The following PKP4 variants were observed in gnomAD, a reference collection of about 807,000 sequenced individuals.
PKP4 encodes the protein plakophilin 4.
PKP4 carries 90 observed loss-of-function variants against 145.1 expected under a neutral mutation model. The ratio of observed to expected loss-of-function variants is 0.62; its 90% CI spans 0.52 to 0.74. PKP4 has a LOEUF of 0.74. PKP4 is among the 30% of genes least tolerant of loss of function. The pLI is 0.00. For missense variants in PKP4, 1,340 were observed against 1,482.7 expected, an observed-to-expected ratio of 0.90 and a Z score of 1.58; for synonymous variants, 563 against 577.2, an observed-to-expected ratio of 0.98 and a Z score of 0.35.
At chr2:158,589,816 G>A (rs1362924649) in intron 3 of PKP4, among the ~76,000 whole-genome samples, 1 of 152,152 alleles carries the variant, frequency 6.6e-6, no homozygotes, top group Non-Finnish European at 1.5e-5. Context: ...AGCAATATGT[G>A]TGATGTTTCC....
intron 2 of PKP4, among the ~76,000 whole-genome samples, chr2:158,540,003 T>C (rs1386425707): frequency 2.6e-5 from 4 of 152,174 alleles, no homozygotes; most frequent in African/African-American, 9.7e-5. Flanking sequence ...ATTTGAGTAC[T>C]GCCCACTCCT....
intron 4 of PKP4, among the ~76,000 whole-genome samples, chr2:158,617,363 G>A (rs973826509): frequency 2.0e-5 from 3 of 152,024 alleles, no homozygotes; most frequent in Middle Eastern, 3.4e-3. Flanking sequence ...TCAGTACACT[G>A]ATTAAAGAAG....
chr2:158,665,404 T>G (rs2056990950), intron 15 of PKP4, among the ~76,000 whole-genome samples: 1 of 152,360 alleles, frequency 6.6e-6, no homozygotes, highest in South Asian at 2.1e-4. Flanking sequence ...GAAATGCATC[T>G]TTCCCTCTTA....
chr2:158,572,806 C>T (rs1171609420), intron 2 of PKP4, among the ~76,000 whole-genome samples: 1 of 152,206 alleles, frequency 6.6e-6, no homozygotes, highest in Admixed American at 6.5e-5. Flanking sequence ...CATTCTATGC[C>T]TATGAGACAA....
At chr2:158,621,464 G>A (rs745949017) in intron 6 of PKP4, 43 bp downstream of exon 6, 60 of 1,549,620 alleles carry the variant, frequency 3.9e-5, no homozygotes, top group South Asian at 1.6e-4. Flanking sequence ...AATACCTTCC[G>A]GCCGGGCACA....
At chr2:158,677,083 G>A in intron 20 of PKP4, 1 of 580,050 alleles carries the variant, frequency 1.7e-6, no homozygotes, top group Non-Finnish European at 3.2e-6. Context: ...ATGTATGTAT[G>A]TAGTTGTACG....
At chr2:158,667,731 T>C (rs1288110550) in intron 16 of PKP4, among the ~76,000 whole-genome samples, 1 of 152,020 alleles carries the variant, frequency 6.6e-6, no homozygotes, top group Non-Finnish European at 1.5e-5. Flanking sequence ...AGCCAAATCA[T>C]CCCCCTACGG....
At chr2:158,466,211 T>C (rs948458119) in intron 1 of PKP4, among the ~76,000 whole-genome samples, 3 of 152,180 alleles carry the variant, frequency 2.0e-5, no homozygotes, top group African/African-American at 7.2e-5. Flanking sequence ...TTTGAACACC[T>C]TCACCTGCTA....
chr2:158,458,276 A>T (rs1689181148), intron 1 of PKP4: 1 of 152,886 alleles, frequency 6.5e-6, no homozygotes, highest in African/African-American at 2.4e-5. Context: ...CTCGCCGCGC[A>T]GCCAGAGGTC....
intron 4 of PKP4, among the ~76,000 whole-genome samples, chr2:158,615,610 G>C (rs1379176563): frequency 6.6e-6 from 1 of 151,862 alleles, no homozygotes; most frequent in Non-Finnish European, 1.5e-5. Context: ...TATTTTTAAT[G>C]GTTTTATATT....
chr2:158,563,800 A>G (rs1214756668), intron 2 of PKP4, among the ~76,000 whole-genome samples: 2 of 152,090 alleles, frequency 1.3e-5, no homozygotes, highest in Non-Finnish European at 1.5e-5. Context: ...AGCATCACCA[A>G]TGCTGTGTAC....
chr2:158,459,188 A>G (rs912530962), intron 1 of PKP4, among the ~76,000 whole-genome samples: 3 of 152,222 alleles, frequency 2.0e-5, no homozygotes, highest in Non-Finnish European at 4.4e-5. Flanking sequence ...GTGCCTGTGA[A>G]ACAGTTATGG....
chr2:158,515,658 T>C (rs952381412), intron 1 of PKP4, among the ~76,000 whole-genome samples: 1 of 152,236 alleles, frequency 6.6e-6, no homozygotes, highest in African/African-American at 2.4e-5. Flanking sequence ...ACAATGTCTC[T>C]TTCCATCTAC....
intron 1 of PKP4, among the ~76,000 whole-genome samples, chr2:158,464,071 A>G (rs1297872370): frequency 6.6e-6 from 1 of 152,204 alleles, no homozygotes; most frequent in Non-Finnish European, 1.5e-5. Context: ...GATTGAGACT[A>G]CATTTTTCAG....
At chr2:158,500,107 G>C (rs1696327548) in intron 1 of PKP4, among the ~76,000 whole-genome samples, 1 of 152,178 alleles carries the variant, frequency 6.6e-6, no homozygotes, top group Non-Finnish European at 1.5e-5. Context: ...TTACATTCAT[G>C]AATAATCAAG....
At chr2:158,625,694 C>CT (rs534782570) in intron 7 of PKP4, among the ~76,000 whole-genome samples, 47 of 151,834 alleles carry the variant, frequency 3.1e-4, no homozygotes, top group Non-Finnish European at 5.4e-4. Context: ...TTAAAATGTG[C>CT]TTTTTTTGCA....
chr2:158,627,766 G>T (rs1189519431), intron 7 of PKP4, among the ~76,000 whole-genome samples: 2 of 151,076 alleles, frequency 1.3e-5, no homozygotes, highest in Non-Finnish European at 3.0e-5. Flanking sequence ...TATTTCTAAT[G>T]CCATAAATAT....
chr2:158,518,793 T>C (rs1331837572), intron 1 of PKP4, among the ~76,000 whole-genome samples: 1 of 152,228 alleles, frequency 6.6e-6, no homozygotes, highest in Non-Finnish European at 1.5e-5. Flanking sequence ...CATATTTGAA[T>C]CATAATTTTT....
At chr2:158,540,563 A>G (rs994267354) in intron 2 of PKP4, among the ~76,000 whole-genome samples, 1 of 152,168 alleles carries the variant, frequency 6.6e-6, no homozygotes, top group Non-Finnish European at 1.5e-5. Context: ...CAGAGGCACA[A>G]ACCGTATTTA....
Sources: gnomAD v4.1 joint callset for allele counts (sites outside exome capture counted in the v4.1 genomes callset) on GRCh38, gnomAD v4.1.1 for gene constraint, MANE v1.5 for transcripts, NCBI Gene and HGNC (gene_info 2026-07-23, HGNC 2026-07-21) for gene names.